The following CADM2 variants were observed in gnomAD, a reference collection of about 807,000 sequenced individuals.
CADM2 encodes the protein cell adhesion molecule 2, also known as immunoglobulin superfamily member 4D.
CADM2 carries 12 observed loss-of-function variants against 49.8 expected under a neutral mutation model. That is an observed-to-expected ratio of 0.24 (90% CI 0.15 to 0.39). The LOEUF (loss-of-function observed/expected upper bound fraction) is 0.39. Ranked by LOEUF, CADM2 falls within the 10% of genes least tolerant of loss-of-function variation. The pLI is 1.00. For missense variants in CADM2, 378 were observed against 492.3 expected (o/e 0.77, Z 2.20); for synonymous variants, 214 against 175.4 (o/e 1.22, Z -1.74).
intron 8 of CADM2, among the ~76,000 whole-genome samples, chr3:86,002,351 C>A (rs1012772401): frequency 2.0e-5 from 3 of 152,140 alleles, no homozygotes; most frequent in African/African-American, 7.2e-5. Context: ...GTTCCCCTTT[C>A]ATTTATGCCA....
At chr3:85,226,588 T>G (rs1207105316) in intron 1 of CADM2, among the ~76,000 whole-genome samples, 1 of 151,688 alleles carries the variant, frequency 6.6e-6, no homozygotes, top group Non-Finnish European at 1.5e-5. Context: ...TTCATTGATA[T>G]TTTGAAGAGT....
intron 1 of CADM2, among the ~76,000 whole-genome samples, chr3:85,630,625 TAC>T (rs769852763): frequency 3.3e-5 from 5 of 152,118 alleles, no homozygotes; most frequent in African/African-American, 4.8e-5. Flanking sequence ...ATAATTCTTA[TAC>T]AGTCCCAAGA....
chr3:85,658,015 G>A (rs931884109), intron 1 of CADM2, among the ~76,000 whole-genome samples: 1 of 151,932 alleles, frequency 6.6e-6, no homozygotes, highest in African/African-American at 2.4e-5. Flanking sequence ...TTAGGCAATG[G>A]GGATTCATTG....
intron 1 of CADM2, among the ~76,000 whole-genome samples, chr3:85,718,376 C>CT (rs2107758570): frequency 6.6e-6 from 1 of 152,218 alleles, no homozygotes; most frequent in East Asian, 1.9e-4. Context: ...TTCCTTAAGG[C>CT]TTTTGTAATA....
intron 1 of CADM2, among the ~76,000 whole-genome samples, chr3:85,669,442 A>C (rs964157382): frequency 1.3e-5 from 2 of 152,160 alleles, no homozygotes; most frequent in Non-Finnish European, 2.9e-5. Flanking sequence ...GTGACACTAC[A>C]ATGCATAGAT....
At chr3:86,012,148 C>T (rs1025068213) in intron 8 of CADM2, among the ~76,000 whole-genome samples, 1 of 152,078 alleles carries the variant, frequency 6.6e-6, no homozygotes, top group Non-Finnish European at 1.5e-5. Flanking sequence ...ATAACTATAA[C>T]TCATATTAAA....
chr3:86,005,183 TAGTTCAGTACCTAATGTTA>T (rs1337116162), intron 8 of CADM2, among the ~76,000 whole-genome samples: 1 of 152,178 alleles, frequency 6.6e-6, no homozygotes, highest in Non-Finnish European at 1.5e-5. Context: ...GAATAATGCT[TAGTTCAGTACCTAATGTTA>T]AGTTCAGTAA....
intron 1 of CADM2, among the ~76,000 whole-genome samples, chr3:85,592,213 CAAGAA>C (rs1372592965): frequency 6.6e-6 from 1 of 151,626 alleles, no homozygotes. Flanking sequence ...AATGCAAACA[CAAGAA>C]GAGAGAAAAA....
intron 6 of CADM2, among the ~76,000 whole-genome samples, chr3:85,917,438 T>G (rs1718506740): frequency 6.6e-6 from 1 of 152,178 alleles, no homozygotes; most frequent in Non-Finnish European, 1.5e-5. Flanking sequence ...CCTTCCCCAT[T>G]TCTTCTTTTT....
At chr3:85,910,197 A>T (rs1228293320) in intron 5 of CADM2, among the ~76,000 whole-genome samples, 1 of 152,178 alleles carries the variant, frequency 6.6e-6, no homozygotes, top group African/African-American at 2.4e-5. Flanking sequence ...AAAGTAAACA[A>T]CCAGCAGTAA....
chr3:85,710,131 G>C (rs1287127441), intron 1 of CADM2, among the ~76,000 whole-genome samples: 3 of 152,092 alleles, frequency 2.0e-5, no homozygotes, highest in Non-Finnish European at 4.4e-5. Flanking sequence ...TGTATGTATA[G>C]AGGTAGGTAC....
At chr3:85,009,374 T>A (rs1437509842) in intron 1 of CADM2, among the ~76,000 whole-genome samples, 1 of 152,080 alleles carries the variant, frequency 6.6e-6, no homozygotes, top group Admixed American at 6.6e-5. Flanking sequence ...AGCTCACGAG[T>A]TGAAAGTCCT....
chr3:85,896,238 A>G (rs1427587855), intron 5 of CADM2, among the ~76,000 whole-genome samples: 2 of 152,194 alleles, frequency 1.3e-5, no homozygotes, highest in African/African-American at 4.8e-5. Flanking sequence ...GAGAGCCATG[A>G]TAGCACCACT....
At chr3:85,691,883 C>T (rs796957489) in intron 1 of CADM2, among the ~76,000 whole-genome samples, 1 of 152,052 alleles carries the variant, frequency 6.6e-6, no homozygotes, top group Non-Finnish European at 1.5e-5. Flanking sequence ...GGACAAAAAA[C>T]CAAACACCGC....
intron 1 of CADM2, among the ~76,000 whole-genome samples, chr3:85,098,290 A>G (rs2037880238): frequency 6.6e-6 from 1 of 151,896 alleles, no homozygotes; most frequent in Non-Finnish European, 1.5e-5. Context: ...TTTTTAATCT[A>G]GAATTTTACC....
chr3:85,615,149 T>G (rs1576937787), intron 1 of CADM2, among the ~76,000 whole-genome samples: 1 of 151,880 alleles, frequency 6.6e-6, no homozygotes, highest in African/African-American at 2.4e-5. Context: ...TGCTATTTGT[T>G]TACTCTTTGG....
chr3:85,199,368 T>TGAGAGAGAGAGAGAGAGAGAGAGAG (rs1553694522), intron 1 of CADM2, among the ~76,000 whole-genome samples: 1 of 115,186 alleles, frequency 8.7e-6, no homozygotes, highest in African/African-American at 5.5e-5. Context: ...TGTGTGTGTG[T>TGAGAGAGAGAGAGAGAGAGAGAGAG]ATGAGAGAGA....
intron 9 of CADM2, among the ~76,000 whole-genome samples, chr3:86,066,255 C>CA (rs1739296345): frequency 7.3e-6 from 1 of 137,920 alleles, no homozygotes; most frequent in Non-Finnish European, 1.5e-5. Context: ...ATTGCTTGAA[C>CA]CCGGGAGGCG....
At chr3:85,364,175 GT>G (rs1386869304) in intron 1 of CADM2, among the ~76,000 whole-genome samples, 2 of 152,000 alleles carry the variant, frequency 1.3e-5, no homozygotes, top group African/African-American at 2.4e-5. Context: ...TGATATTGCC[GT>G]TTTATGGCTA....
Sources: allele counts gnomAD v4.1 joint callset (sites outside exome capture counted in the v4.1 genomes callset), GRCh38; gene constraint gnomAD v4.1.1; transcripts MANE v1.5; gene names NCBI Gene and HGNC (gene_info 2026-07-23, HGNC 2026-07-21).